TCOF1: variants seen among roughly 807,000 people sequenced by gnomAD.
TCOF1 encodes treacle ribosome biogenesis factor 1, also known as treacle protein.
TCOF1 carries 33 observed loss-of-function variants against 149.0 expected under a neutral mutation model. That is an observed-to-expected ratio of 0.22 (90% CI 0.17 to 0.30). The LOEUF is 0.30. TCOF1 is among the 10% of genes least tolerant of loss of function. TCOF1 has a pLI of 1.00. For missense variants in TCOF1, 1,728 were observed against 1,840.7 expected, an observed-to-expected ratio of 0.94 and a Z score of 1.12; for synonymous variants, 789 against 738.8, an observed-to-expected ratio of 1.07 and a Z score of -1.10.
chr5:150,372,317 C>T, intron 7 of TCOF1, 81 bp downstream of exon 7: 2 of 1,259,420 alleles, frequency 1.6e-6, no homozygotes, highest in South Asian at 1.4e-5. Context: ...AGCACCTCTG[C>T]CACTGGAGTT....
intron 17 of TCOF1, 118 bp from the exon 18 acceptor site, chr5:150,387,784 C>T: frequency 4.2e-6 from 6 of 1,417,266 alleles, no homozygotes; most frequent in Non-Finnish European, 5.8e-6. Context: ...CTTCTGTGCC[C>T]AGCTGCCCCT....
chr5:150,390,770 G>A (rs1046886402), intron 19 of TCOF1, among the ~76,000 whole-genome samples: 5 of 152,180 alleles, frequency 3.3e-5, no homozygotes, highest in Non-Finnish European at 7.3e-5. Flanking sequence ...GGGAAGTCAG[G>A]CTGTGGTCAC....
intron 6 of TCOF1, among the ~76,000 whole-genome samples, chr5:150,370,466 G>A (rs1446157018): frequency 1.3e-5 from 2 of 152,128 alleles, no homozygotes; most frequent in South Asian, 2.1e-4. Context: ...AGCGATTGTC[G>A]TGCCTCAGCC....
At chr5:150,387,326 C>A (rs1426624429) in intron 17 of TCOF1, among the ~76,000 whole-genome samples, 1 of 152,142 alleles carries the variant, frequency 6.6e-6, no homozygotes, top group Admixed American at 6.5e-5. Flanking sequence ...TTCTCTTGTG[C>A]ATTTTTTTGT....
At chr5:150,370,043 G>A (rs2150577702) in intron 6 of TCOF1, among the ~76,000 whole-genome samples, 1 of 152,316 alleles carries the variant, frequency 6.6e-6, no homozygotes, top group African/African-American at 2.4e-5. Flanking sequence ...TGAATGCCAG[G>A]CCTAGACACT....
chr5:150,390,133 T>C (rs1268656427), intron 19 of TCOF1, 110 bp downstream of exon 19: 1 of 1,502,278 alleles, frequency 6.7e-7, no homozygotes, highest in Non-Finnish European at 9.0e-7. Flanking sequence ...ACGCCCACAC[T>C]CCAGAGGTCG....
chr5:150,375,721 G>C lies in TCOF1; in HGVS notation c.1705G>C (p.Glu569Gln). The C allele has an allele frequency of 6.2e-7, 1 of 1,614,238 alleles. No individual in the cohort carries two copies. The highest frequency in any genetic ancestry group is 1.1e-5 in the South Asian group (1 of 91,088). The change falls in exon 12 of 27, where the codon GAA (glutamate) becomes CAA (glutamine). Residue 569 changes from glutamate (E) to glutamine (Q), a missense_variant and splice_region_variant. Glu to Gln is a conservative substitution (Grantham distance 29). Transcript: ENST00000643257. ...CCCGATCCTGTGTATCTCACTCCAG[G>C]AAAAGTCCTTGGGGAACATCCTCCA... ...EVPTAVAPAQEKSLGNILQAK... is the reference protein window; with the variant it reads ...EVPTAVAPAQQKSLGNILQAK...
rs763590455 is a variant in TCOF1, at chr5:150,369,564, G to A, written c.601G>A (p.Glu201Lys). The A allele has an allele frequency of 8.7e-6, 14 of 1,614,006 alleles. No individual in the cohort carries two copies. The highest frequency in any genetic ancestry group is 6.7e-5 in the African/African-American group (5 of 74,896). The change falls in exon 6 of 27, where the codon GAG (glutamate) becomes AAG (lysine). Residue 201 changes from glutamate to lysine, a missense_variant. Transcript: ENST00000643257. The stretch of plus-strand genomic sequence containing the variant: ...AGCGGGCCAGGCCGACAGCTCCAGC[G>A]AGGACACCTCCAGCTCCAGTGATGA... Reference protein sequence around the residue: ...VSAGQADSSSEDTSSSSDETD... With the variant: ...VSAGQADSSSKDTSSSSDETD...
intron 8 of TCOF1, 74 bp downstream of exon 8, chr5:150,374,460 C>G: frequency 6.5e-7 from 1 of 1,548,498 alleles, no homozygotes; most frequent in South Asian, 1.2e-5. Context: ...TGTTCTCCCA[C>G]TCTGGGCCAG....
intron 19 of TCOF1, 110 bp downstream of exon 19, chr5:150,390,133 T>A (rs1268656427): frequency 6.7e-7 from 1 of 1,502,160 alleles, no homozygotes; most frequent in Non-Finnish European, 9.0e-7. Context: ...ACGCCCACAC[T>A]CCAGAGGTCG....
At chr5:150,389,619 G>A (rs1462696803) in intron 18 of TCOF1, among the ~76,000 whole-genome samples, 9 of 152,260 alleles carry the variant, frequency 5.9e-5, no homozygotes, top group Non-Finnish European at 8.8e-5. Flanking sequence ...CTCAGGAGTG[G>A]CAGCCCGACC....
rs1335155324 is a variant in TCOF1, at chr5:150,357,872, G to T, written c.108+18G>T. On this transcript the variant is annotated intron_variant, in intron 1 of 26. Transcript: ENST00000643257. ...GCGGCCAGGTAAGCGTTCGTGGGCCGTGTGCGAGGGCCGCGTGCAAGATGT... is the reference window on the plus strand; with the variant it reads ...GCGGCCAGGTAAGCGTTCGTGGGCCTTGTGCGAGGGCCGCGTGCAAGATGT... The T allele has an allele frequency of 6.5e-7, 1 of 1,547,080 alleles. No homozygotes were observed. Among genetic ancestry groups the T allele is most frequent in the Admixed American group, 2.0e-5 (1 of 50,970 alleles).
chr5:150,398,431 CAGAAGAAAA>C lies in TCOF1; in HGVS notation c.4435_4443del (p.Lys1481_Lys1483del), dbSNP rs778713758. 27 of 1,613,964 alleles carry C rather than the reference CAGAAGAAAA, an allele frequency of 1.7e-5. No homozygotes were observed. Among genetic ancestry groups the C allele is most frequent in the Admixed American group, 5.0e-5 (3 of 59,990 alleles). ...AACCAAAGATTCTGAGTCACCGTCCCAGAAGAAAAAGAAGAAAAAGGTAGAGAGTTCCTG... is the reference window on the plus strand; with the variant it reads ...AACCAAAGATTCTGAGTCACCGTCCCAGAAGAAAAAGGTAGAGAGTTCCTG... On this transcript the variant is annotated inframe_deletion, in exon 25 of 27. Coordinates refer to ENST00000643257, the MANE Select transcript of TCOF1 (RefSeq NM_001371623.1).
At position 150,396,496 on chromosome 5, in the gene TCOF1, C is replaced by T. The variant is rs1768542448; in HGVS notation, c.3999C>T (p.Asp1333=). The T allele has an allele frequency of 3.1e-6, 5 of 1,613,272 alleles. No homozygotes were observed. The highest frequency in any genetic ancestry group is 4.2e-6 in the Non-Finnish European group (5 of 1,179,762). The part of the protein sequence containing the change: ...LLEQERKKVV[D]TTKESSRKGW... Reference sequence around the variant, plus strand: ...AACAGGAAAGAAAGAAGGTGGTGGACACCACCAAGGAGAGCAGCAGGAAGG... The same window carrying T: ...AACAGGAAAGAAAGAAGGTGGTGGATACCACCAAGGAGAGCAGCAGGAAGG... The change falls in exon 24 of 27, where the codon GAC becomes GAT. Residue 1333 remains aspartate (D), a synonymous_variant. Coordinates refer to ENST00000643257, the MANE Select transcript of TCOF1 (RefSeq NM_001371623.1).
intron 3 of TCOF1, among the ~76,000 whole-genome samples, chr5:150,365,445 G>A (rs757520245): frequency 5.3e-5 from 8 of 151,854 alleles, no homozygotes; most frequent in Non-Finnish European, 1.0e-4. Flanking sequence ...AACTGTAGAA[G>A]AGCATATAGA....
chr5:150,383,708 GCTCCCTGTAT>G (rs1765700874), intron 17 of TCOF1: 1 of 1,550,716 alleles, frequency 6.4e-7, no homozygotes, highest in Admixed American at 2.0e-5. Flanking sequence ...TGGTCCCCTG[GCTCCCTGTAT>G]CTCTCTGTTT....
At position 150,374,956 on chromosome 5, in the gene TCOF1, G is replaced by A. The variant is rs113299143; in HGVS notation, c.1281G>A (p.Ala427=). The part of the protein sequence containing the change: ...SDSEEEAPAQ[A]KPSGKAPQVR... ...CCTCATCCTGTTTCTCACTCCAGGC[G>A]AAGCCTTCAGGGAAGGCCCCCCAGG... is the stretch of plus-strand genomic sequence containing the variant. Residue 427 remains alanine, a splice_region_variant and synonymous_variant, in exon 10 of 27, where the codon GCG becomes GCA. Coordinates refer to ENST00000643257, the MANE Select transcript of TCOF1 (RefSeq NM_001371623.1). 5,653 of 1,612,508 alleles carry A rather than the reference G, an allele frequency of 3.5e-3. 25 individuals carry two copies. The highest frequency in any genetic ancestry group is 4.2e-3 in the Non-Finnish European group (5,012 of 1,179,680).
chr5:150,394,702 A>C (rs1360031275), intron 23 of TCOF1: 1 of 152,144 alleles, frequency 6.6e-6, no homozygotes, highest in Non-Finnish European at 1.5e-5. Flanking sequence ...GGCTCACTTG[A>C]GGTCAGGAGT....
intron 17 of TCOF1, chr5:150,383,229 T>A (rs994801715): frequency 5.5e-6 from 8 of 1,454,396 alleles, no homozygotes; most frequent in Non-Finnish European, 6.5e-6. Flanking sequence ...CTGGCAGGCC[T>A]TGCAGGAGAG....
Sources: allele counts gnomAD v4.1 joint callset (sites outside exome capture counted in the v4.1 genomes callset), GRCh38; gene constraint gnomAD v4.1.1; transcripts MANE v1.5; gene names NCBI Gene and HGNC (gene_info 2026-07-23, HGNC 2026-07-21).